Variants in SH2B1 observed in about 807,000 individuals in gnomAD.
SH2B1 encodes SH2B adapter protein 1.
SH2B1 carries 15 observed loss-of-function variants against 62.6 expected under a neutral mutation model. The ratio of observed to expected loss-of-function variants is 0.24; its 90% CI spans 0.16 to 0.37. The LOEUF is 0.37. Ranked by LOEUF, SH2B1 falls within the 10% of genes least tolerant of loss-of-function variation. SH2B1 has a pLI of 1.00. For missense variants in SH2B1, 925 were observed against 1,015.6 expected (o/e 0.91, Z 1.21); for synonymous variants, 443 against 438.0 (o/e 1.01, Z -0.14).
At chr16:28,870,659 ATTT>A (rs869311691) in intron 4 of SH2B1, among the ~76,000 whole-genome samples, 1 of 144,432 alleles carries the variant, frequency 6.9e-6, no homozygotes, top group Non-Finnish European at 1.6e-5. Flanking sequence ...TGTGTGTTTA[ATTT>A]TTTTATTTTT....
At chr16:28,868,034 C>G (rs1008018430) in intron 2 of SH2B1, among the ~76,000 whole-genome samples, 9 of 152,206 alleles carry the variant, frequency 5.9e-5, no homozygotes, top group African/African-American at 2.2e-4. Context: ...TTGCCATGTT[C>G]GGCAGGCTGG....
Position 28,874,133 on chromosome 16 carries a change from A to T in SH2B1, c.*313A>T. ...GTGAGGGGGAAGGGCTGTCAGTTAC[A>T]TTAAGGTGGTTGTTGTTGTTGTTTT... is the stretch of plus-strand genomic sequence containing the variant. On this transcript the variant is annotated 3_prime_UTR_variant, in exon 8 of 8. Coordinates refer to ENST00000684370, the MANE Select transcript of SH2B1 (RefSeq NM_001387430.1). 1 of 313,502 alleles carries T rather than the reference A, an allele frequency of 3.2e-6. No homozygotes were observed. The allele number at this position is 313,502 out of a possible 1,614,324, so 19.4% of individuals were successfully genotyped here. A position where few individuals can be genotyped will look rare whatever the true frequency, so the allele number is the denominator to read the frequency against.
At chr16:28,852,196 T>TATATATTTACATATATATATTTACA (rs1962115247) in intron 1 of SH2B1, among the ~76,000 whole-genome samples, 1 of 82,922 alleles carries the variant, frequency 1.2e-5, no homozygotes, top group Non-Finnish European at 2.3e-5. Context: ...ATATTTTTAT[T>TATATATTTACATATATATATTTACA]TATATATTTA....
Position 28,867,342 on chromosome 16 carries a change from C to T in SH2B1, c.951C>T (p.Pro317=), listed in dbSNP as rs1180103773. The change falls in exon 2 of 8, where the codon CCC becomes CCT. Residue 317 remains proline (P), a synonymous_variant. Coordinates refer to ENST00000684370, the MANE Select transcript of SH2B1 (RefSeq NM_001387430.1). The stretch of plus-strand genomic sequence containing the variant: ...TTCTCCTGACTTAGGCCTCTCGGCC[C>T]CGACTCAGCATCCCCTGCTCTTCTA... The part of the protein sequence containing the change: ...EFFVPPKASR[P]RLSIPCSSIT... The T allele has an allele frequency of 6.2e-7, 1 of 1,614,048 alleles. No individual in the cohort carries two copies.
In SH2B1 at chr16:28,867,538, A is replaced by G; in HGVS notation, c.1041+106A>G. 5 of 804,006 alleles carry G rather than the reference A, an allele frequency of 6.2e-6. No individual in the cohort carries two copies. In the South Asian group the frequency reaches 7.0e-5, roughly 11 times the overall value. 49.8% of individuals were successfully genotyped at this position (804,006 alleles called of 1,614,324 possible). ...CGAAAGGAGGTATATATATGTGTCC[A>G]GTGCCTTGAGAGTGTGTCCCTGGGG... is the stretch of plus-strand genomic sequence containing the variant. On this transcript the variant is annotated intron_variant, in intron 2 of 7. Coordinates refer to ENST00000684370, the MANE Select transcript of SH2B1 (RefSeq NM_001387430.1).
intron 1 of SH2B1, among the ~76,000 whole-genome samples, chr16:28,852,196 T>A (rs80275162): frequency 0.23 from 19,098 of 82,826 alleles, 5,216 homozygotes; most frequent in Admixed American, 0.34. Context: ...ATATTTTTAT[T>A]TATATATTTA....
chr16:28,853,815 C>T lies in SH2B1; in HGVS notation c.-301+6988C>T, dbSNP rs537513755. ...GAGTTTGAGACCATCCTGGCTAACACGGTGAAACCCCATCTCTACTAAAAT... is the reference window on the plus strand; with the variant it reads ...GAGTTTGAGACCATCCTGGCTAACATGGTGAAACCCCATCTCTACTAAAAT... On this transcript the variant is annotated intron_variant, in intron 1 of 10. Coordinates refer to the SH2B1 transcript ENST00000322610. Among the ~76,000 whole-genome samples, 10 of 151,032 alleles carry T rather than the reference C, an allele frequency of 6.6e-5. No homozygotes were observed. The East Asian group carries it at 1.6e-3, about 24-fold the overall frequency.
At chr16:28,860,339 C>T (rs1962416280), upstream of SH2B1, among the ~76,000 whole-genome samples, 1 of 151,686 alleles carries the variant, frequency 6.6e-6, no homozygotes, top group African/African-American at 2.4e-5. Context: ...GCGACCTCCA[C>T]CTCCCAGGTT....
chr16:28,852,468 A>ATT (rs1555509871), intron 1 of SH2B1, among the ~76,000 whole-genome samples: 2 of 42,194 alleles, frequency 4.7e-5, no homozygotes, highest in African/African-American at 2.4e-4. Context: ...ATTTATATAT[A>ATT]TACATATATA....
Position 28,872,713 on chromosome 16 carries a change from G to A in SH2B1, c.1897+8G>A, listed in dbSNP as rs1207387393. 1.2e-6 allele frequency: 2 copies of A among 1,614,110 alleles called. No individual in the cohort carries two copies. Among genetic ancestry groups the A allele is most frequent in the Non-Finnish European group, 1.7e-6 (2 of 1,180,014 alleles). On this transcript the variant is annotated splice_region_variant and intron_variant, in intron 7 of 7. Transcript: ENST00000684370. This position sits in a 1 kb window ranked among gnomAD's most constrained non-coding sequence, Gnocchi z 5.3. Reference sequence around the variant, plus strand: ...CCTCCCAGCGACAGCAGGGTGAGCAGAGCAGGTCTGCAGGGGAGGAGGTGC... The same window carrying A: ...CCTCCCAGCGACAGCAGGGTGAGCAAAGCAGGTCTGCAGGGGAGGAGGTGC...
In SH2B1 at chr16:28,866,842, G is replaced by C; in HGVS notation, c.748G>C (p.Glu250Gln). The change falls in exon 1 of 8, where the codon GAA (glutamate) becomes CAA (glutamine). Residue 250 changes from glutamate to glutamine, a missense_variant. By Grantham distance (29) the Glu-to-Gln change is conservative. Transcript: ENST00000684370. This position sits in a 1 kb window ranked among gnomAD's most constrained non-coding sequence, Gnocchi z 6.3. ...GGATGGAGCAGGGATGGTGCAGAGGGAAGAGCTGCTGAGTTTCATGGGGGC... is the reference window on the plus strand; with the variant it reads ...GGATGGAGCAGGGATGGTGCAGAGGCAAGAGCTGCTGAGTTTCATGGGGGC... ...LKDGAGMVQR[E>Q]ELLSFMGAEE... is the part of the protein sequence containing the mutation. The C allele has an allele frequency of 6.2e-7, 1 of 1,602,528 alleles. No individual in the cohort carries two copies. The highest frequency in any genetic ancestry group is 2.2e-5 in the East Asian group (1 of 44,824).
In SH2B1 at chr16:28,872,509, C is replaced by T. The variant is rs2152187854; in HGVS notation, c.1726-25C>T. 6.3e-7 allele frequency: 1 copy of T among 1,597,462 alleles called. No individual in the cohort carries two copies. Among genetic ancestry groups the T allele is most frequent in the East Asian group, 2.2e-5 (1 of 44,670 alleles). ...ACCTGGCAGGGCCTTTGCCTCCTAC[C>T]TCACCTCCCCCATCCCGCCCTCAGC... On this transcript the variant is annotated intron_variant, in intron 6 of 7. Transcript: ENST00000684370. This position sits in a 1 kb window ranked among gnomAD's most constrained non-coding sequence, Gnocchi z 5.3.
At chr16:28,871,665 G>T in intron 4 of SH2B1, 115 bp from the exon 5 acceptor site, 1 of 793,438 alleles carries the variant, frequency 1.3e-6, no homozygotes, top group Non-Finnish European at 2.2e-6. Flanking sequence ...AGAGCTGTTT[G>T]GCATCTTGGC....
chr16:28,846,606 G>T (rs995377119), upstream of SH2B1: 10 of 419,726 alleles, frequency 2.4e-5, no homozygotes, highest in Non-Finnish European at 4.4e-5. Flanking sequence ...GCTCATGGGC[G>T]TAGTAGTTCT....
Position 28,865,873 on chromosome 16 carries a change from G to A in SH2B1, c.-222G>A. On this transcript the variant is annotated 5_prime_UTR_variant, in exon 1 of 8. Transcript: ENST00000684370. ...GGGTGCCAGGATCTGGGAGAGGGAA[G>A]GGAGGTGTTGGGCTCCCTTCCCCAT... is the stretch of plus-strand genomic sequence containing the variant. 7.5e-7 allele frequency: 1 copy of A among 1,333,964 alleles called. No individual in the cohort carries two copies. Among genetic ancestry groups the A allele is most frequent in the Non-Finnish European group, 9.6e-7 (1 of 1,046,656 alleles). The allele number at this position is 1,333,964 out of a possible 1,614,324, so 82.6% of individuals were successfully genotyped here.
chr16:28,849,204 A>G (rs1010492637), intron 1 of SH2B1, among the ~76,000 whole-genome samples: 6 of 152,042 alleles, frequency 3.9e-5, no homozygotes, highest in African/African-American at 7.2e-5. Flanking sequence ...CCCAAGCTCA[A>G]TCTACCTCAG....
At chr16:28,858,458 G>A (rs968316694) in intron 1 of SH2B1, among the ~76,000 whole-genome samples, 4 of 152,174 alleles carry the variant, frequency 2.6e-5, no homozygotes, top group Admixed American at 1.3e-4. Context: ...GGAGGTTGCA[G>A]TAAGCCAAGA....
In SH2B1 at chr16:28,872,663, G is replaced by A; in HGVS notation, c.1855G>A (p.Val619Ile). 6.2e-7 allele frequency: 1 copy of A among 1,614,190 alleles called. No homozygotes were observed. The highest frequency in any genetic ancestry group is 1.7e-5 in the Admixed American group (1 of 60,020). The change falls in exon 7 of 8, where the codon GTT (valine) becomes ATT (isoleucine). Residue 619 changes from valine to isoleucine, a missense_variant. By Grantham distance (29) the Val-to-Ile change is conservative. Around this residue, in one of 3 missense-constraint regions of SH2B1, gnomAD observed 185 missense variants for 189.5 expected, o/e 0.98. Coordinates refer to ENST00000684370, the MANE Select transcript of SH2B1 (RefSeq NM_001387430.1). The surrounding 1 kb of genome is among the most constrained non-coding windows in gnomAD (Gnocchi z 5.3). The stretch of plus-strand genomic sequence containing the variant: ...TTTGGAGTCGGGAGGCTCCAGTGAT[G>A]TTGTCCTTGTCAGCTATGTCCCATC... ...IPLESGGSSD[V>I]VLVSYVPSSQ...
intron 1 of SH2B1, among the ~76,000 whole-genome samples, chr16:28,850,415 T>A (rs1317276511): frequency 1.3e-5 from 2 of 152,054 alleles, no homozygotes; most frequent in East Asian, 1.9e-4. Flanking sequence ...AATAAAAAAA[T>A]TTGCCAGATA....
Sources: gnomAD v4.1 joint callset for allele counts (sites outside exome capture counted in the v4.1 genomes callset) on GRCh38, gnomAD v4.1.1 for gene constraint, gnomAD v4.1.1 regional missense constraint, Gnocchi (gnomAD v3.1) non-coding constraint, MANE v1.5 for transcripts, NCBI Gene and HGNC (gene_info 2026-07-23, HGNC 2026-07-21) for gene names.